The following FBXL17 variants were observed in gnomAD, a reference collection of about 807,000 sequenced individuals.
The protein encoded by FBXL17 is F-box and leucine rich repeat protein 17, also known as F-box/LRR-repeat protein 17.
Under a neutral mutation model 66.2 loss-of-function variants are expected in FBXL17, and 22 were observed. That is an observed-to-expected ratio of 0.33 (90% confidence interval 0.24 to 0.47). The LOEUF is 0.47. Ranked by LOEUF, FBXL17 falls within the 20% of genes least tolerant of loss-of-function variation. FBXL17 has a pLI of 1.00. For missense variants in FBXL17, 878 were observed against 948.2 expected (o/e 0.93, Z 0.97); for synonymous variants, 474 against 400.5 (o/e 1.18, Z -2.19).
intron 6 of FBXL17, among the ~76,000 whole-genome samples, chr5:108,112,156 A>T (rs1750060612): frequency 6.6e-6 from 1 of 152,214 alleles, no homozygotes; most frequent in Non-Finnish European, 1.5e-5. Flanking sequence ...AGATGCACAG[A>T]AAGGGCAAGT....
intron 4 of FBXL17, among the ~76,000 whole-genome samples, chr5:108,319,283 G>T (rs938473658): frequency 2.6e-5 from 4 of 151,806 alleles, no homozygotes; most frequent in Admixed American, 6.6e-5. Context: ...CATTAATTAT[G>T]TACCATCTGA....
chr5:107,898,383 G>T (rs1749452859), intron 7 of FBXL17, among the ~76,000 whole-genome samples: 1 of 151,994 alleles, frequency 6.6e-6, no homozygotes, highest in Non-Finnish European at 1.5e-5. Flanking sequence ...AGAAAGACCA[G>T]CCCCTCCTTG....
intron 4 of FBXL17, among the ~76,000 whole-genome samples, chr5:108,254,181 C>T (rs1459378363): frequency 2.0e-5 from 3 of 152,066 alleles, no homozygotes; most frequent in African/African-American, 7.2e-5. Context: ...ACTAAAGAAA[C>T]TTACTGGTAA....
intron 7 of FBXL17, among the ~76,000 whole-genome samples, chr5:107,885,735 C>T: frequency 6.6e-6 from 1 of 151,890 alleles, no homozygotes; most frequent in East Asian, 1.9e-4. Context: ...TATTAATCTG[C>T]TCATCTGTGC....
At chr5:108,060,796 TC>T (rs1440103987) in intron 6 of FBXL17, among the ~76,000 whole-genome samples, 2 of 151,870 alleles carry the variant, frequency 1.3e-5, no homozygotes, top group African/African-American at 4.8e-5. Flanking sequence ...CACTGCCACC[TC>T]CATATGCATG....
At chr5:108,243,578 T>C (rs1451909063) in intron 4 of FBXL17, among the ~76,000 whole-genome samples, 1 of 152,210 alleles carries the variant, frequency 6.6e-6, no homozygotes, top group Non-Finnish European at 1.5e-5. Context: ...GCCTAGTAGG[T>C]ATTTCATCAA....
chr5:107,915,387 T>C (rs1234764455), intron 7 of FBXL17, among the ~76,000 whole-genome samples: 5 of 152,186 alleles, frequency 3.3e-5, no homozygotes, highest in Non-Finnish European at 7.3e-5. Flanking sequence ...TAATATGTCT[T>C]TGGTGTTTTT....
intron 7 of FBXL17, among the ~76,000 whole-genome samples, chr5:108,005,423 G>A (rs1340286904): frequency 1.3e-5 from 2 of 152,050 alleles, no homozygotes; most frequent in Non-Finnish European, 2.9e-5. Flanking sequence ...GCTGGGCAGA[G>A]GAAATAAAAA....
chr5:108,055,340 G>A, intron 6 of FBXL17, among the ~76,000 whole-genome samples: 1 of 140,516 alleles, frequency 7.1e-6, no homozygotes, highest in East Asian at 2.2e-4. Context: ...CGGGCACGGT[G>A]GCTCATGCCT....
chr5:108,211,919 T>A (rs1483733769), intron 5 of FBXL17, among the ~76,000 whole-genome samples: 5 of 152,210 alleles, frequency 3.3e-5, no homozygotes, highest in Non-Finnish European at 7.3e-5. Flanking sequence ...TCCTGAAGAG[T>A]GTTTTCCAAC....
At chr5:108,173,227 C>T (rs997757613) in intron 6 of FBXL17, among the ~76,000 whole-genome samples, 2 of 151,988 alleles carry the variant, frequency 1.3e-5, no homozygotes, top group African/African-American at 2.4e-5. Flanking sequence ...ATAAAAAGCA[C>T]ATATACTTTT....
intron 6 of FBXL17, among the ~76,000 whole-genome samples, chr5:108,062,402 A>T (rs186507554): frequency 1.3e-5 from 2 of 152,254 alleles, no homozygotes; most frequent in Admixed American, 6.5e-5. Flanking sequence ...TCCATGCAAA[A>T]TTCATATCTT....
At chr5:108,267,701 T>C (rs1757100728) in intron 4 of FBXL17, among the ~76,000 whole-genome samples, 1 of 151,840 alleles carries the variant, frequency 6.6e-6, no homozygotes, top group South Asian at 2.1e-4. Flanking sequence ...AGAAAGACAA[T>C]ATACAGGTGG....
At chr5:107,878,898 C>T in intron 8 of FBXL17, 4 of 985,464 alleles carry the variant, frequency 4.1e-6, no homozygotes, top group Non-Finnish European at 4.8e-6. Flanking sequence ...GACCAGACGG[C>T]GTCGTGCTGG....
At chr5:108,073,727 C>T (rs542241583) in intron 6 of FBXL17, among the ~76,000 whole-genome samples, 3 of 152,056 alleles carry the variant, frequency 2.0e-5, no homozygotes, top group African/African-American at 7.2e-5. Context: ...AATAAATAAG[C>T]AAGAGTTCAC....
In FBXL17 at chr5:108,381,742, G is replaced by C. The variant is rs879592391; in HGVS notation, c.-51C>G. ...GGGACGGGAGGGAGGGAGACCCAGA[G>C]AGGCGGGCTCCCGGCAGCGGGGCAG... On this transcript the variant is annotated 5_prime_UTR_variant, in exon 1 of 9. Transcript: ENST00000542267. The C allele has an allele frequency of 1.4e-6, 2 of 1,381,708 alleles. No homozygotes were observed. Among genetic ancestry groups the C allele is most frequent in the East Asian group, 6.2e-5 (2 of 32,506 alleles). 85.6% of individuals were successfully genotyped at this position (1,381,708 alleles called of 1,614,324 possible). A position where few individuals can be genotyped will look rare whatever the true frequency, so the allele number is the denominator to read the frequency against.
At chr5:108,154,664 T>C (rs1331107349) in intron 6 of FBXL17, among the ~76,000 whole-genome samples, 18 of 140,048 alleles carry the variant, frequency 1.3e-4, no homozygotes, top group Non-Finnish European at 2.6e-4. Context: ...TGTATATACA[T>C]ATATATGTGT....
chr5:108,075,624 C>T (rs1158540341), intron 6 of FBXL17, among the ~76,000 whole-genome samples: 3 of 152,102 alleles, frequency 2.0e-5, no homozygotes, highest in Non-Finnish European at 2.9e-5. Flanking sequence ...TACAGGCGCC[C>T]GCCACTACGC....
intron 6 of FBXL17, among the ~76,000 whole-genome samples, chr5:108,125,839 T>C (rs1256387670): frequency 6.6e-6 from 1 of 152,128 alleles, no homozygotes; most frequent in Non-Finnish European, 1.5e-5. Flanking sequence ...TCATTCAAAA[T>C]ATATCTAAAC....
Sources: allele counts gnomAD v4.1 joint callset (sites outside exome capture counted in the v4.1 genomes callset), GRCh38; gene constraint gnomAD v4.1.1; transcripts MANE v1.5; gene names NCBI Gene and HGNC (gene_info 2026-07-23, HGNC 2026-07-21).